Variants in PRLR observed in about 807,000 individuals in gnomAD.
PRLR encodes hPRL receptor.
In PRLR, 13 loss-of-function variants were observed where a neutral mutation model predicts 40.2. That is an observed-to-expected ratio of 0.32 (90% confidence interval 0.21 to 0.51). The LOEUF (loss-of-function observed/expected upper bound fraction) is 0.51. Ranked by LOEUF, PRLR falls within the 20% of genes least tolerant of loss-of-function variation. The probability of loss-of-function intolerance (pLI) is 0.97; values close to 1 mark genes in which losing one functional copy is unlikely to be tolerated. For missense variants in PRLR, 656 were observed against 747.3 expected, an observed-to-expected ratio of 0.88 and a Z score of 1.42; for synonymous variants, 269 against 278.7, an observed-to-expected ratio of 0.97 and a Z score of 0.35.
intron 1 of PRLR, among the ~76,000 whole-genome samples, chr5:35,124,971 T>G (rs2111746768): frequency 6.6e-6 from 1 of 152,242 alleles, no homozygotes; most frequent in South Asian, 2.1e-4. Flanking sequence ...AAGTTAGAAG[T>G]TTTATTATTG....
chr5:35,118,560 G>A (rs898549016), intron 1 of PRLR, among the ~76,000 whole-genome samples: 6 of 152,090 alleles, frequency 3.9e-5, no homozygotes, highest in Non-Finnish European at 5.9e-5. Context: ...AATTAACATC[G>A]ACACAGTATT....
intron 1 of PRLR, among the ~76,000 whole-genome samples, chr5:35,123,244 A>G (rs1773349447): frequency 6.6e-6 from 1 of 152,222 alleles, no homozygotes; most frequent in Non-Finnish European, 1.5e-5. Flanking sequence ...TTACTTTTAA[A>G]AATGGCTAAA....
intron 2 of PRLR, among the ~76,000 whole-genome samples, chr5:35,111,666 G>A (rs1011852549): frequency 9.2e-5 from 14 of 152,094 alleles, no homozygotes; most frequent in African/African-American, 1.7e-4. Flanking sequence ...TACCTAGATC[G>A]TGTTACAGTC....
At chr5:35,219,903 T>C (rs1359529085) in intron 1 of PRLR, among the ~76,000 whole-genome samples, 1 of 152,160 alleles carries the variant, frequency 6.6e-6, no homozygotes, top group Admixed American at 6.5e-5. Flanking sequence ...GGAACAATCA[T>C]CTTGAGCAGG....
intron 1 of PRLR, among the ~76,000 whole-genome samples, chr5:35,123,116 A>T (rs1773345501): frequency 6.6e-6 from 1 of 152,166 alleles, no homozygotes; most frequent in South Asian, 2.1e-4. Context: ...GCCTAGTTAC[A>T]GGTGAAGGAT....
chr5:35,205,391 C>G (rs1330901186), intron 1 of PRLR, among the ~76,000 whole-genome samples: 1 of 152,122 alleles, frequency 6.6e-6, no homozygotes, highest in Admixed American at 6.5e-5. Context: ...CAATTATTAG[C>G]CAATATATTA....
intron 1 of PRLR, among the ~76,000 whole-genome samples, chr5:35,177,687 G>A (rs537607713): frequency 5.9e-5 from 9 of 152,162 alleles, no homozygotes; most frequent in African/African-American, 7.2e-5. Flanking sequence ...AAATTACCAC[G>A]TTTTGTTTAT....
At chr5:35,080,717 ATGC>A (rs1770453140) in intron 5 of PRLR, among the ~76,000 whole-genome samples, 1 of 152,086 alleles carries the variant, frequency 6.6e-6, no homozygotes, top group Non-Finnish European at 1.5e-5. Context: ...ATTATAAATA[ATGC>A]TGCCATAAAG....
intron 1 of PRLR, among the ~76,000 whole-genome samples, chr5:35,228,940 C>T (rs1374771843): frequency 6.6e-6 from 1 of 152,014 alleles, no homozygotes; most frequent in African/African-American, 2.4e-5. Context: ...TCAGGGATTG[C>T]ATGTAAAATT....
intron 4 of PRLR, among the ~76,000 whole-genome samples, chr5:35,085,365 A>G (rs1770782526): frequency 1.3e-5 from 2 of 152,218 alleles, no homozygotes; most frequent in African/African-American, 4.8e-5. Context: ...CAGTCATTGG[A>G]AAGTGGGCCA....
chr5:35,171,558 G>C (rs1283986705), intron 1 of PRLR, among the ~76,000 whole-genome samples: 1 of 152,186 alleles, frequency 6.6e-6, no homozygotes, highest in Admixed American at 6.5e-5. Flanking sequence ...GCTAGACAGG[G>C]GAAAGGAGAT....
At chr5:35,115,456 G>A (rs1772954800) in intron 2 of PRLR, among the ~76,000 whole-genome samples, 1 of 152,104 alleles carries the variant, frequency 6.6e-6, no homozygotes, top group South Asian at 2.1e-4. Flanking sequence ...AACTCTAACA[G>A]GTAAGTGGTG....
chr5:35,110,831 A>G (rs1259316414), intron 2 of PRLR, among the ~76,000 whole-genome samples: 1 of 152,178 alleles, frequency 6.6e-6, no homozygotes, highest in African/African-American at 2.4e-5. Context: ...TTGTCCCCCA[A>G]CAGAAAGCTG....
In PRLR at chr5:35,089,564, G is replaced by A. The variant is rs771175164; in HGVS notation, c.57C>T (p.Thr19=). ...TVFTLLLFLN[T]CLLNGQLPPG... ...CCTCTTACTTACCATTCAGAAGGCA[G>A]GTGTTGAGAAAAAGTAGCAGAGTGA... The change falls in exon 3 of 10, where the codon ACC becomes ACT. Residue 19 remains threonine (T), a synonymous_variant. Coordinates refer to ENST00000618457, the MANE Select transcript of PRLR (RefSeq NM_000949.7). 2 of 1,611,498 alleles carry A rather than the reference G, an allele frequency of 1.2e-6. No individual in the cohort carries two copies. Among genetic ancestry groups the A allele is most frequent in the Admixed American group, 1.7e-5 (1 of 59,980 alleles).
chr5:35,146,329 T>C (rs937002739), intron 1 of PRLR, among the ~76,000 whole-genome samples: 1 of 152,176 alleles, frequency 6.6e-6, no homozygotes, highest in Non-Finnish European at 1.5e-5. Context: ...GCAATGCAGA[T>C]TTGTACGTGT....
intron 1 of PRLR, among the ~76,000 whole-genome samples, chr5:35,193,964 C>T (rs905346017): frequency 3.9e-4 from 59 of 152,274 alleles, no homozygotes; most frequent in Non-Finnish European, 7.4e-5. Flanking sequence ...CCCTGCAGCA[C>T]GGCTCTGGTT....
intron 1 of PRLR, among the ~76,000 whole-genome samples, chr5:35,229,770 C>A (rs1579825867): frequency 6.6e-6 from 1 of 152,026 alleles, no homozygotes; most frequent in South Asian, 2.1e-4. Flanking sequence ...GAGGCTGCTG[C>A]GGCGGCGGCT....
chr5:35,082,765 A>T (rs1412532574), intron 5 of PRLR, among the ~76,000 whole-genome samples: 1 of 152,204 alleles, frequency 6.6e-6, no homozygotes. Context: ...CGTGCATTTT[A>T]AAATGAACTT....
intron 3 of PRLR, among the ~76,000 whole-genome samples, chr5:35,086,869 C>T (rs1213975627): frequency 6.6e-6 from 1 of 152,296 alleles, no homozygotes; most frequent in African/African-American, 2.4e-5. Context: ...CTGCCATCCC[C>T]ACACAATGAA....
Sources: allele counts gnomAD v4.1 joint callset (sites outside exome capture counted in the v4.1 genomes callset), GRCh38; gene constraint gnomAD v4.1.1; transcripts MANE v1.5; gene names NCBI Gene and HGNC (gene_info 2026-07-23, HGNC 2026-07-21).